Variants in EYS observed in about 807,000 individuals in gnomAD.
The protein encoded by EYS is protein eyes shut homolog.
A neutral mutation model predicts 282.1 loss-of-function variants in EYS; 250 were observed. The observed-to-expected ratio is 0.89, with a 90% CI of 0.80 to 0.98. EYS has a LOEUF of 0.98. Ranked by LOEUF, EYS falls within the 50% of genes least tolerant of loss-of-function variation. The probability of loss-of-function intolerance (pLI) is 0.00; values close to 1 mark genes in which losing one functional copy is unlikely to be tolerated. For missense variants in EYS, 4,016 were observed against 3,709.0 expected (o/e 1.08, Z -2.15); for synonymous variants, 1,355 against 1,282.9 (o/e 1.06, Z -1.20).
intron 8 of EYS, among the ~76,000 whole-genome samples, chr6:65,383,853 A>C (rs941974078): frequency 2.6e-5 from 4 of 151,920 alleles, no homozygotes; most frequent in Non-Finnish European, 5.9e-5. Flanking sequence ...TACCAGGTTT[A>C]GTTTCAGATT....
intron 30 of EYS, among the ~76,000 whole-genome samples, chr6:64,264,582 C>G (rs1010216178): frequency 3.3e-5 from 5 of 152,046 alleles, no homozygotes; most frequent in African/African-American, 1.2e-4. Context: ...GCCCCAGAGT[C>G]AAGGTGTGAG....
intron 31 of EYS, among the ~76,000 whole-genome samples, chr6:64,155,256 CACTG>C (rs1427459529): frequency 2.0e-5 from 3 of 152,050 alleles, no homozygotes; most frequent in Non-Finnish European, 2.9e-5. Context: ...TTTTTGGAAA[CACTG>C]ACTGAGACAT....
intron 35 of EYS, among the ~76,000 whole-genome samples, chr6:63,973,669 A>G (rs534153764): frequency 1.3e-5 from 2 of 152,308 alleles, no homozygotes; most frequent in Admixed American, 1.3e-4. Context: ...ATATCCCAGC[A>G]CAGACAACAC....
intron 30 of EYS, among the ~76,000 whole-genome samples, chr6:64,273,205 T>C (rs1355910798): frequency 1.3e-5 from 2 of 152,222 alleles, no homozygotes; most frequent in Non-Finnish European, 2.9e-5. Context: ...CTGCTCCTAG[T>C]TTGCTAAATC....
At chr6:64,734,489 T>C (rs1253216651) in intron 22 of EYS, among the ~76,000 whole-genome samples, 1 of 152,232 alleles carries the variant, frequency 6.6e-6, no homozygotes, top group South Asian at 2.1e-4. Context: ...TATAAGAGCA[T>C]AGAAATCAGA....
intron 26 of EYS, among the ~76,000 whole-genome samples, chr6:64,459,668 G>A (rs1419663548): frequency 6.6e-6 from 1 of 152,142 alleles, no homozygotes; most frequent in Non-Finnish European, 1.5e-5. Flanking sequence ...TTTGAGGGCA[G>A]GAAGCAGCCA....
At chr6:63,857,702 G>T in intron 36 of EYS, 1 of 422,234 alleles carries the variant, frequency 2.4e-6, no homozygotes, top group South Asian at 1.9e-5. Flanking sequence ...TGATGTGGAT[G>T]TTGACCTTTT....
intron 2 of EYS, among the ~76,000 whole-genome samples, chr6:65,546,534 A>G (rs1768395186): frequency 6.6e-6 from 1 of 151,470 alleles, no homozygotes; most frequent in Non-Finnish European, 1.5e-5. Flanking sequence ...ACTAGACAAC[A>G]TTCATTTGTA....
intron 19 of EYS, among the ~76,000 whole-genome samples, chr6:64,864,317 G>A (rs1406921052): frequency 6.7e-6 from 1 of 149,618 alleles, no homozygotes; most frequent in Non-Finnish European, 1.5e-5. Flanking sequence ...CCAAATCAGA[G>A]CTAAGTTGGC....
chr6:65,597,242 A>G (rs1765441633), intron 2 of EYS, among the ~76,000 whole-genome samples: 1 of 152,096 alleles, frequency 6.6e-6, no homozygotes, highest in South Asian at 2.1e-4. Flanking sequence ...ATTAATCTCT[A>G]AGAGTGAACC....
At chr6:64,710,787 C>G (rs1771185343) in intron 22 of EYS, among the ~76,000 whole-genome samples, 1 of 152,220 alleles carries the variant, frequency 6.6e-6, no homozygotes, top group Non-Finnish European at 1.5e-5. Context: ...TTGCCATTTA[C>G]TTCATGTTGC....
At chr6:64,457,507 G>GT (rs1775593441) in intron 26 of EYS, among the ~76,000 whole-genome samples, 1 of 151,774 alleles carries the variant, frequency 6.6e-6, no homozygotes. Flanking sequence ...CTCTCCCTTC[G>GT]TATCTATTGA....
At chr6:64,085,506 AAGAT>A (rs1331143741) in intron 31 of EYS, among the ~76,000 whole-genome samples, 2 of 152,210 alleles carry the variant, frequency 1.3e-5, no homozygotes, top group South Asian at 4.2e-4. Context: ...TGAAGTCCAC[AAGAT>A]AGCCTTCTTC....
At chr6:65,048,928 G>C (rs1187912972) in intron 13 of EYS, among the ~76,000 whole-genome samples, 1 of 151,796 alleles carries the variant, frequency 6.6e-6, no homozygotes, top group Non-Finnish European at 1.5e-5. Flanking sequence ...ACCACAGCTT[G>C]ATTTCTGCAA....
At chr6:64,124,972 T>C (rs1773716046) in intron 31 of EYS, among the ~76,000 whole-genome samples, 1 of 152,206 alleles carries the variant, frequency 6.6e-6, no homozygotes, top group Non-Finnish European at 1.5e-5. Context: ...GATAGTCCCG[T>C]ATAAAAATTC....
chr6:64,406,184 C>A (rs1330152950), intron 28 of EYS, among the ~76,000 whole-genome samples: 1 of 152,104 alleles, frequency 6.6e-6, no homozygotes, highest in Non-Finnish European at 1.5e-5. Flanking sequence ...TGATCTTTGA[C>A]AAACCTGACA....
intron 15 of EYS, among the ~76,000 whole-genome samples, chr6:64,913,490 C>T (rs1768066375): frequency 6.6e-6 from 1 of 152,010 alleles, no homozygotes; most frequent in Admixed American, 6.6e-5. Flanking sequence ...CTTCCACTTG[C>T]AAGTGAGAAA....
intron 26 of EYS, among the ~76,000 whole-genome samples, chr6:64,471,312 T>C (rs1278120017): frequency 6.6e-6 from 1 of 152,146 alleles, no homozygotes; most frequent in African/African-American, 2.4e-5. Context: ...TGTCTCTGTT[T>C]GCAGGTGATA....
At chr6:63,950,476 CT>C (rs1275118994) in intron 35 of EYS, among the ~76,000 whole-genome samples, 5 of 152,046 alleles carry the variant, frequency 3.3e-5, no homozygotes, top group African/African-American at 9.7e-5. Flanking sequence ...AGCCCCACCC[CT>C]ATCTCCCTTC....
Sources: gnomAD v4.1 joint callset for allele counts (sites outside exome capture counted in the v4.1 genomes callset) on GRCh38, gnomAD v4.1.1 for gene constraint, MANE v1.5 for transcripts, NCBI Gene and HGNC (gene_info 2026-07-23, HGNC 2026-07-21) for gene names.